Variants in RALGAPA2 observed in about 807,000 individuals in gnomAD.
The protein encoded by RALGAPA2 is Ral GTPase activating protein catalytic subunit alpha 2.
Under a neutral mutation model 230.4 loss-of-function variants are expected in RALGAPA2, and 139 were observed. That is an observed-to-expected ratio of 0.60 (90% CI 0.53 to 0.69). RALGAPA2 has a LOEUF of 0.69. Ranked by LOEUF, RALGAPA2 falls within the 30% of genes least tolerant of loss-of-function variation. RALGAPA2 has a pLI of 0.00. For synonymous variants in RALGAPA2, 847 were observed against 837.8 expected (o/e 1.01, Z -0.19); for missense variants, 2,163 against 2,276.0 (o/e 0.95, Z 1.01).
At chr20:20,483,862 G>T (rs1248912562) in intron 36 of RALGAPA2, among the ~76,000 whole-genome samples, 2 of 152,072 alleles carry the variant, frequency 1.3e-5, no homozygotes, top group Non-Finnish European at 2.9e-5. Flanking sequence ...GGCTAAAAGG[G>T]GAAAAAAAGT....
chr20:20,674,439 T>C (rs961091676), intron 3 of RALGAPA2, among the ~76,000 whole-genome samples: 5 of 152,264 alleles, frequency 3.3e-5, no homozygotes, highest in Admixed American at 6.5e-5. Flanking sequence ...ACTCTTAATA[T>C]TTCACATTAA....
intron 13 of RALGAPA2, among the ~76,000 whole-genome samples, chr20:20,612,993 C>G (rs1385564164): frequency 6.6e-6 from 1 of 152,218 alleles, no homozygotes; most frequent in Non-Finnish European, 1.5e-5. Context: ...CAACTGCTAT[C>G]AAAAGCCACA....
At chr20:20,705,799 G>C (rs947009623) in intron 1 of RALGAPA2, among the ~76,000 whole-genome samples, 2 of 152,146 alleles carry the variant, frequency 1.3e-5, no homozygotes, top group African/African-American at 4.8e-5. Context: ...CTCCCGAGCA[G>C]CTGGGATTAC....
chr20:20,615,484 G>GA (rs961560738), intron 13 of RALGAPA2, among the ~76,000 whole-genome samples: 31 of 149,396 alleles, frequency 2.1e-4, no homozygotes, highest in Middle Eastern at 3.2e-3. Flanking sequence ...ATAAGAGCAG[G>GA]AAAAAAAAAT....
Position 20,611,349 on chromosome 20 carries a change from A to G in RALGAPA2, c.1766T>C (p.Leu589Ser). Residue 589 changes from leucine to serine, a missense_variant, in exon 14 of 40, where the codon TTG becomes TCG. Leu to Ser is a moderately radical substitution (Grantham distance 145). Coordinates refer to ENST00000202677, the MANE Select transcript of RALGAPA2 (RefSeq NM_020343.4). ...TAACCCTGCCAAGCTCTGGGCAAAC[A>G]AGTCCTTTATTTGTTTATCCTTTGG... is the stretch of plus-strand genomic sequence containing the variant. ...QKPKDKQIKD[L>S]FAQSLAGLLF... is the part of the protein sequence containing the mutation. The G allele has an allele frequency of 6.2e-7, 1 of 1,613,438 alleles. No individual in the cohort carries two copies.
Position 20,616,152 on chromosome 20 carries a change from G to T in RALGAPA2, c.1579C>A (p.Pro527Thr). ...AAGAGCACAGGAACTTCAGCACATG[G>T]TTCCAACAAAAAGATGTTTGCAGAG... ...TNSANIFLLE[P>T]CAEVPVLLKE... The change falls in exon 13 of 40, where the codon CCA becomes ACA. Residue 527 changes from proline (P) to threonine (T), a missense_variant. Physicochemically the swap from Pro to Thr is conservative, Grantham distance 38. Coordinates refer to ENST00000202677, the MANE Select transcript of RALGAPA2 (RefSeq NM_020343.4). 6.5e-7 allele frequency: 1 copy of T among 1,544,684 alleles called. No individual in the cohort carries two copies. The highest frequency in any genetic ancestry group is 8.7e-7 in the Non-Finnish European group (1 of 1,146,158).
intron 1 of RALGAPA2, among the ~76,000 whole-genome samples, chr20:20,688,934 T>A (rs1364833812): frequency 6.6e-6 from 1 of 152,210 alleles, no homozygotes; most frequent in Non-Finnish European, 1.5e-5. Flanking sequence ...TTACTAAAAG[T>A]AACAAGCAAT....
At chr20:20,617,580 C>T (rs1379007744) in intron 12 of RALGAPA2, among the ~76,000 whole-genome samples, 1 of 152,172 alleles carries the variant, frequency 6.6e-6, no homozygotes, top group African/African-American at 2.4e-5. Flanking sequence ...ACTTTTTGCA[C>T]ATTCCCATGT....
intron 1 of RALGAPA2, among the ~76,000 whole-genome samples, chr20:20,710,323 C>G (rs538012512): frequency 1.4e-4 from 21 of 151,742 alleles, no homozygotes; most frequent in African/African-American, 5.1e-4. Context: ...CCTTTGTTTT[C>G]TAAGTAGACT....
Position 20,535,948 on chromosome 20 carries a change from A to G in RALGAPA2, c.3415-145T>C, listed in dbSNP as rs976595914. On this transcript the variant is annotated intron_variant, in intron 25 of 39. Coordinates refer to ENST00000202677, the MANE Select transcript of RALGAPA2 (RefSeq NM_020343.4). ...CATCTATGAGTGAGAGCCTGGGGGG[A>G]AGAAGAACACTGGGCTCGGGGGAGC... The G allele has an allele frequency of 4.2e-5, 56 of 1,330,050 alleles. No homozygotes were observed. In the East Asian group the frequency reaches 1.2e-3, roughly 29 times the overall value. 82.4% of individuals were successfully genotyped at this position (1,330,050 alleles called of 1,614,324 possible).
chr20:20,457,439 T>C (rs1282507689), intron 37 of RALGAPA2, among the ~76,000 whole-genome samples: 2 of 152,226 alleles, frequency 1.3e-5, no homozygotes, highest in African/African-American at 4.8e-5. Flanking sequence ...AAAGATGAGT[T>C]GCTCATTTTT....
intron 23 of RALGAPA2, among the ~76,000 whole-genome samples, chr20:20,561,530 G>A (rs1432132971): frequency 3.3e-5 from 5 of 152,112 alleles, no homozygotes; most frequent in Admixed American, 1.3e-4. Context: ...TAATCAGAAC[G>A]TTCCATGTTT....
At chr20:20,448,651 T>C (rs2060918398) in intron 37 of RALGAPA2, among the ~76,000 whole-genome samples, 2 of 152,194 alleles carry the variant, frequency 1.3e-5, no homozygotes, top group Admixed American at 1.3e-4. Context: ...CGAAAAGATA[T>C]TGGAAAACAG....
intron 3 of RALGAPA2, among the ~76,000 whole-genome samples, chr20:20,673,432 G>A (rs2068209591): frequency 6.6e-6 from 1 of 151,832 alleles, no homozygotes; most frequent in Admixed American, 6.6e-5. Context: ...TAAAGACCAA[G>A]CTAATGGAGA....
intron 3 of RALGAPA2, among the ~76,000 whole-genome samples, chr20:20,656,787 C>T (rs1184260895): frequency 6.6e-6 from 1 of 152,152 alleles, no homozygotes; most frequent in East Asian, 1.9e-4. Context: ...AGCTGGTTTA[C>T]AACCTACAGG....
At chr20:20,645,106 CTTTTTTTTTTTTTTTTT>C (rs71198064) in intron 4 of RALGAPA2, among the ~76,000 whole-genome samples, 1 of 59,462 alleles carries the variant, frequency 1.7e-5, no homozygotes, top group African/African-American at 5.7e-5. Flanking sequence ...GGTGGTGGTG[CTTTTTTTTTTTTTTTTT>C]TTTTTTTTTG....
chr20:20,616,076 A>G lies in RALGAPA2; in HGVS notation c.1655T>C (p.Met552Thr). ...TTTATTCATTGTAAGCTCCATTATC[A>G]TGCGCCTAAAAATAATCAAAACAGC... is the stretch of plus-strand genomic sequence containing the variant. Reference protein sequence around the residue: ...CKAVLIIFRRMIMELTMNKKT... With the variant: ...CKAVLIIFRRTIMELTMNKKT... The change falls in exon 13 of 40, where the codon ATG (methionine) becomes ACG (threonine). Residue 552 changes from methionine to threonine, a missense_variant. By Grantham distance (81) the Met-to-Thr change is moderately conservative (BLOSUM62 -1). Transcript: ENST00000202677. 1.3e-6 allele frequency: 2 copies of G among 1,549,018 alleles called. No individual in the cohort carries two copies. The highest frequency in any genetic ancestry group is 4.1e-5 in the Admixed American group (2 of 48,982).
chr20:20,652,491 T>G (rs908301653), intron 4 of RALGAPA2, among the ~76,000 whole-genome samples: 2 of 152,204 alleles, frequency 1.3e-5, no homozygotes, highest in Non-Finnish European at 2.9e-5. Flanking sequence ...ACAAGAATGG[T>G]GATATATTCT....
intron 1 of RALGAPA2, among the ~76,000 whole-genome samples, chr20:20,700,648 T>C (rs2069318558): frequency 6.6e-6 from 1 of 152,156 alleles, no homozygotes; most frequent in Non-Finnish European, 1.5e-5. Context: ...CTCTCCAGCA[T>C]TACTGCCCCT....
Sources: allele counts gnomAD v4.1 joint callset (sites outside exome capture counted in the v4.1 genomes callset), GRCh38; gene constraint gnomAD v4.1.1; transcripts MANE v1.5; gene names NCBI Gene and HGNC (gene_info 2026-07-23, HGNC 2026-07-21).